GLYATL2: variants seen among roughly 807,000 people sequenced by gnomAD.
GLYATL2 encodes the protein glycine-N-acyltransferase like 2, also known as glycine N-acyltransferase-like protein 2.
In GLYATL2, 25 loss-of-function variants were observed where a neutral mutation model predicts 21.4. The ratio of observed to expected loss-of-function variants is 1.17; its 90% confidence interval spans 0.85 to 1.63. GLYATL2 has a LOEUF of 1.63. Among genes scored for constraint, GLYATL2 ranks in the 40% most tolerant of loss-of-function variants. The pLI, the probability that GLYATL2 is intolerant of heterozygous loss-of-function variation, is 0.00. For synonymous variants in GLYATL2, 114 were observed against 118.2 expected (o/e 0.96, Z 0.23); for missense variants, 361 against 343.3 (o/e 1.05, Z -0.41).
At chr11:58,850,801 G>A (rs1853727731) in intron 1 of GLYATL2, among the ~76,000 whole-genome samples, 1 of 152,052 alleles carries the variant, frequency 6.6e-6, no homozygotes, top group Admixed American at 6.5e-5. Flanking sequence ...CTCTTGTGGA[G>A]GGCCTGACAT....
chr11:58,852,377 T>C (rs1853757368), intron 1 of GLYATL2, among the ~76,000 whole-genome samples: 1 of 152,200 alleles, frequency 6.6e-6, no homozygotes, highest in Admixed American at 6.5e-5. Flanking sequence ...AGAATGTAAC[T>C]AACAGAAATT....
intron 2 of GLYATL2, among the ~76,000 whole-genome samples, chr11:58,839,179 C>T (rs1853498367): frequency 6.6e-6 from 1 of 152,012 alleles, no homozygotes; most frequent in Admixed American, 6.6e-5. Flanking sequence ...TGCAAATTTG[C>T]TATGGCAAAT....
chr11:58,893,073 G>T, intron 1 of GLYATL2: 1 of 395,240 alleles, frequency 2.5e-6, no homozygotes, highest in Non-Finnish European at 4.8e-6. Context: ...ATGCCAAGCT[G>T]GGTGTCTCTT....
At chr11:58,847,448 G>A (rs1156898212), upstream of GLYATL2, among the ~76,000 whole-genome samples, 1 of 152,182 alleles carries the variant, frequency 6.6e-6, no homozygotes, top group Non-Finnish European at 1.5e-5. Flanking sequence ...GACCTTCCCT[G>A]GGCCAGAAGG....
At chr11:58,855,868 A>C (rs146719992) in intron 1 of GLYATL2, among the ~76,000 whole-genome samples, 62 of 152,312 alleles carry the variant, frequency 4.1e-4, no homozygotes, top group African/African-American at 1.4e-3. Context: ...TCATGCCTGT[A>C]ATCCCAGCTC....
At chr11:58,876,193 A>C (rs1467630150) in intron 1 of GLYATL2, among the ~76,000 whole-genome samples, 1 of 152,142 alleles carries the variant, frequency 6.6e-6, no homozygotes, top group African/African-American at 2.4e-5. Flanking sequence ...CCGTTCATCT[A>C]ATGTTTTTTC....
At chr11:58,836,679 T>G (rs540583795) in intron 5 of GLYATL2, among the ~76,000 whole-genome samples, 22 of 152,286 alleles carry the variant, frequency 1.4e-4, no homozygotes, top group Admixed American at 6.5e-4. Flanking sequence ...ACAGATTTTA[T>G]TTTTTATTTT....
In GLYATL2 at chr11:58,837,414, C is replaced by A; in HGVS notation, c.187-17G>T. On this transcript the variant is annotated splice_polypyrimidine_tract_variant and intron_variant, in intron 3 of 5. Transcript: ENST00000287275. ...TTTCATCTCCTGATATAACAAATAT[C>A]AATTATATTTACATAGCGCTACAAT... 2 of 1,606,466 alleles carry A rather than the reference C, an allele frequency of 1.2e-6. No individual in the cohort carries two copies. The highest frequency in any genetic ancestry group is 1.1e-5 in the South Asian group (1 of 90,726).
intron 1 of GLYATL2, among the ~76,000 whole-genome samples, chr11:58,891,157 T>C (rs1045789229): frequency 6.6e-6 from 1 of 152,148 alleles, no homozygotes; most frequent in Non-Finnish European, 1.5e-5. Flanking sequence ...TTCTTGAAGG[T>C]TTCTTTAAAA....
At chr11:58,896,584 T>A (rs1167905057) in intron 1 of GLYATL2, among the ~76,000 whole-genome samples, 1 of 152,186 alleles carries the variant, frequency 6.6e-6, no homozygotes, top group Non-Finnish European at 1.5e-5. Context: ...TTTAGCCTGA[T>A]GAATGCCACG....
At chr11:58,874,591 G>A (rs1796487690) in intron 1 of GLYATL2, among the ~76,000 whole-genome samples, 1 of 152,218 alleles carries the variant, frequency 6.6e-6, no homozygotes, top group Non-Finnish European at 1.5e-5. Context: ...CCATGTAGTT[G>A]TGTGGTTTTG....
intron 2 of GLYATL2, among the ~76,000 whole-genome samples, chr11:58,839,142 A>G (rs1385527210): frequency 6.6e-6 from 1 of 152,116 alleles, no homozygotes; most frequent in African/African-American, 2.4e-5. Flanking sequence ...AAGCCCTGTA[A>G]CCCAATTAAG....
At chr11:58,871,700 T>G (rs1386182609) in intron 1 of GLYATL2, among the ~76,000 whole-genome samples, 4 of 152,174 alleles carry the variant, frequency 2.6e-5, no homozygotes, top group Admixed American at 2.6e-4. Context: ...ACATTTGGGT[T>G]GGTTCCAAGT....
At chr11:58,870,402 T>A (rs1854097351) in intron 1 of GLYATL2, among the ~76,000 whole-genome samples, 1 of 152,168 alleles carries the variant, frequency 6.6e-6, no homozygotes, top group Non-Finnish European at 1.5e-5. Flanking sequence ...CATGGAGAAC[T>A]TAGAGGGCTC....
chr11:58,834,966 A>T, intron 5 of GLYATL2, 129 bp from the exon 6 acceptor site: 2 of 629,028 alleles, frequency 3.2e-6, no homozygotes, highest in South Asian at 2.2e-5. Flanking sequence ...GATGCATAAC[A>T]ACTACCTTTT....
At chr11:58,839,438 C>A in intron 2 of GLYATL2, 97 bp downstream of exon 2, 1 of 653,730 alleles carries the variant, frequency 1.5e-6, no homozygotes, top group Non-Finnish European at 2.6e-6. Context: ...TCACTTTAGA[C>A]TTGCATTCCC....
At chr11:58,863,919 G>A (rs963744890) in intron 1 of GLYATL2, among the ~76,000 whole-genome samples, 1 of 152,214 alleles carries the variant, frequency 6.6e-6, no homozygotes, top group Non-Finnish European at 1.5e-5. Flanking sequence ...AACTGGCCCT[G>A]GAGAGTAGGG....
chr11:58,870,707 G>A (rs1259771364), intron 1 of GLYATL2, among the ~76,000 whole-genome samples: 1 of 152,192 alleles, frequency 6.6e-6, no homozygotes, highest in African/African-American at 2.4e-5. Context: ...GTTTCTGTCA[G>A]TCCTCCTTGC....
intron 1 of GLYATL2, among the ~76,000 whole-genome samples, chr11:58,843,296 C>T (rs1437014468): frequency 6.6e-6 from 1 of 151,864 alleles, no homozygotes; most frequent in African/African-American, 2.4e-5. Flanking sequence ...AAGAAAGTGT[C>T]GAGAAAAAGA....
Sources: gnomAD v4.1 joint callset for allele counts (sites outside exome capture counted in the v4.1 genomes callset) on GRCh38, gnomAD v4.1.1 for gene constraint, MANE v1.5 for transcripts, NCBI Gene and HGNC (gene_info 2026-07-23, HGNC 2026-07-21) for gene names.